The following PTPRD variants were observed in gnomAD, a reference collection of about 807,000 sequenced individuals.
The protein encoded by PTPRD is receptor-type tyrosine-protein phosphatase delta.
In PTPRD, 34 loss-of-function variants were observed where a neutral mutation model predicts 214.5. The ratio of observed to expected loss-of-function variants is 0.16; its 90% CI spans 0.12 to 0.21. PTPRD has a LOEUF of 0.21. PTPRD is among the 10% of genes least tolerant of loss of function. The pLI is 1.00. For synonymous variants in PTPRD, 1,128 were observed against 845.7 expected (o/e 1.33, Z -5.79); for missense variants, 2,545 against 2,398.7 (o/e 1.06, Z -1.27).
intron 37 of PTPRD, among the ~76,000 whole-genome samples, chr9:8,377,704 C>G (rs2083674243): frequency 6.6e-6 from 1 of 151,832 alleles, no homozygotes; most frequent in African/African-American, 2.4e-5. Context: ...GGGAATACAC[C>G]TTTCTATTTG....
intron 11 of PTPRD, among the ~76,000 whole-genome samples, chr9:8,896,052 C>A (rs1210108401): frequency 2.0e-5 from 3 of 152,240 alleles, no homozygotes; most frequent in East Asian, 3.9e-4. Flanking sequence ...ATTTCATTTC[C>A]TATCTTTTTT....
At chr9:8,846,756 T>C (rs2097705089) in intron 11 of PTPRD, among the ~76,000 whole-genome samples, 1 of 151,700 alleles carries the variant, frequency 6.6e-6, no homozygotes, top group African/African-American at 2.4e-5. Flanking sequence ...GAAGAGAAAA[T>C]GAATATGAGT....
intron 3 of PTPRD, among the ~76,000 whole-genome samples, chr9:10,056,430 T>A (rs1445466705): frequency 2.0e-5 from 3 of 151,900 alleles, no homozygotes; most frequent in Non-Finnish European, 4.4e-5. Flanking sequence ...ACCTCTTTTA[T>A]TAGCTGCTGG....
intron 2 of PTPRD, among the ~76,000 whole-genome samples, chr9:10,461,121 G>A (rs754450084): frequency 2.6e-5 from 4 of 151,848 alleles, no homozygotes; most frequent in Non-Finnish European, 5.9e-5. Context: ...ACATAAAAAT[G>A]TCTAACAAGG....
chr9:9,968,951 G>C (rs1038297039), intron 4 of PTPRD, among the ~76,000 whole-genome samples: 1 of 152,096 alleles, frequency 6.6e-6, no homozygotes, highest in Non-Finnish European at 1.5e-5. Context: ...AGGCCCCCAC[G>C]ATAAGCTGGT....
At chr9:8,934,206 A>T (rs1180558092) in intron 11 of PTPRD, among the ~76,000 whole-genome samples, 4 of 151,180 alleles carry the variant, frequency 2.6e-5, no homozygotes, top group Non-Finnish European at 5.9e-5. Context: ...AAAAGAATGG[A>T]AAGATAGGAA....
At chr9:9,289,197 TAAAC>T (rs770268242) in intron 9 of PTPRD, among the ~76,000 whole-genome samples, 2 of 151,814 alleles carry the variant, frequency 1.3e-5, no homozygotes, top group Non-Finnish European at 2.9e-5. Flanking sequence ...TTTTATTAAT[TAAAC>T]TAACACCATC....
At chr9:10,149,203 C>T (rs2099043997) in intron 3 of PTPRD, among the ~76,000 whole-genome samples, 1 of 152,092 alleles carries the variant, frequency 6.6e-6, no homozygotes, top group Admixed American at 6.6e-5. Flanking sequence ...GTTATATATC[C>T]CATGGCAGTC....
chr9:9,263,572 C>G (rs2099981071), intron 9 of PTPRD, among the ~76,000 whole-genome samples: 1 of 151,606 alleles, frequency 6.6e-6, no homozygotes, highest in Non-Finnish European at 1.5e-5. Flanking sequence ...AGTATGGTGC[C>G]TGAATCACAG....
intron 5 of PTPRD, among the ~76,000 whole-genome samples, chr9:9,795,590 T>C (rs1299239294): frequency 6.6e-6 from 1 of 152,206 alleles, no homozygotes; most frequent in Non-Finnish European, 1.5e-5. Context: ...ACATGCTAGA[T>C]AATGAAGCAT....
At chr9:9,166,584 A>T (rs1241640676) in intron 10 of PTPRD, among the ~76,000 whole-genome samples, 1 of 152,152 alleles carries the variant, frequency 6.6e-6, no homozygotes, top group Admixed American at 6.5e-5. Context: ...AACATTCTCT[A>T]ATCAGCCCTC....
At chr9:10,309,332 T>C (rs1309377710) in intron 3 of PTPRD, among the ~76,000 whole-genome samples, 19 of 151,974 alleles carry the variant, frequency 1.3e-4, no homozygotes, top group Non-Finnish European at 7.4e-5. Context: ...GATTTCTTTC[T>C]TCCTTTTGTT....
rs556457028 is a variant in PTPRD, at chr9:8,886,164, C to A, written c.-104+132533G>T. Among the ~76,000 whole-genome samples, 33 of 152,238 alleles carry A rather than the reference C, an allele frequency of 2.2e-4. 1 individual carries two copies. The South Asian group carries it at 6.8e-3, about 32-fold the overall frequency. ...AAGTCCAGCTGATTTGTTCATAAGC[C>A]AGACATATTGATATTTGGGGACATC... On this transcript the variant is annotated intron_variant, in intron 11 of 45. Transcript: ENST00000381196.
intron 5 of PTPRD, among the ~76,000 whole-genome samples, chr9:9,856,481 T>C (rs1473824852): frequency 1.3e-5 from 2 of 152,006 alleles, no homozygotes; most frequent in Non-Finnish European, 2.9e-5. Context: ...ATCCAGTGTA[T>C]GAAGCAAAGT....
chr9:8,713,488 G>C (rs1006841784), intron 12 of PTPRD: 11 of 1,128,556 alleles, frequency 9.7e-6, no homozygotes, highest in African/African-American at 1.5e-5. Context: ...GTCTTCAGGG[G>C]AGACTGTCTA....
At chr9:9,826,291 T>G (rs551069049) in intron 5 of PTPRD, among the ~76,000 whole-genome samples, 15 of 152,008 alleles carry the variant, frequency 9.9e-5, no homozygotes, top group Admixed American at 5.9e-4. Flanking sequence ...GATTTTCTTT[T>G]ATCTATATTT....
At position 8,544,530 on chromosome 9, in the gene PTPRD, C is replaced by T. The variant is rs796612721; in HGVS notation, c.353-15751G>A. 1.4e-4 allele frequency among the ~76,000 whole-genome samples: 19 copies of T among 140,554 alleles called. 1 individual carries two copies. The highest frequency in any genetic ancestry group is 6.4e-4 in the East Asian group (3 of 4,712). 92.2% of individuals were successfully genotyped at this position (140,554 alleles called of 152,430 possible). On this transcript the variant is annotated intron_variant, in intron 14 of 45. Transcript: ENST00000381196. The stretch of plus-strand genomic sequence containing the variant: ...TGTTGTCCAGGCTGAAGTGCAGGGA[C>T]GTGATCTCGGTTCACTGCAACCTCC...
chr9:8,873,313 T>G (rs2098334307), intron 11 of PTPRD, among the ~76,000 whole-genome samples: 1 of 152,196 alleles, frequency 6.6e-6, no homozygotes, highest in Admixed American at 6.5e-5. Context: ...ATTGCCCTGC[T>G]TAATTTTTCT....
At chr9:8,543,237 G>C (rs2078956685) in intron 14 of PTPRD, among the ~76,000 whole-genome samples, 2 of 152,144 alleles carry the variant, frequency 1.3e-5, no homozygotes. Flanking sequence ...GTAATAGACT[G>C]ACACATTGTT....
Sources: allele counts gnomAD v4.1 joint callset (sites outside exome capture counted in the v4.1 genomes callset), GRCh38; gene constraint gnomAD v4.1.1; transcripts MANE v1.5; gene names NCBI Gene and HGNC (gene_info 2026-07-23, HGNC 2026-07-21).